Variants in COPB2 observed in about 807,000 individuals in gnomAD.
COPB2 encodes coatomer subunit beta'.
A neutral mutation model predicts 120.8 loss-of-function variants in COPB2; 16 were observed. The ratio of observed to expected loss-of-function variants is 0.13; its 90% CI spans 0.09 to 0.20. The LOEUF is 0.20. COPB2 is among the 10% of genes least tolerant of loss of function. COPB2 has a pLI of 1.00. For missense variants in COPB2, 794 were observed against 1,076.5 expected (o/e 0.74, Z 3.67); for synonymous variants, 332 against 366.3 (o/e 0.91, Z 1.07).
intron 12 of COPB2, 112 bp from the exon 13 acceptor site, chr3:139,368,400 A>G: frequency 4.5e-6 from 5 of 1,102,540 alleles, no homozygotes; most frequent in East Asian, 2.6e-5. Flanking sequence ...GATGATAAGT[A>G]TTCACTTAAC....
In COPB2 at chr3:139,380,870, C is replaced by G. The variant is rs550735448; in HGVS notation, c.142-1404G>C. The G allele has an allele frequency of 5.3e-5, 8 of 152,246 alleles. No individual in the cohort carries two copies. The East Asian group carries it at 1.5e-3, about 29-fold the overall frequency. 9.4% of individuals were successfully genotyped at this position (152,246 alleles called of 1,614,324 possible). A position where few individuals can be genotyped will look rare whatever the true frequency, so the allele number is the denominator to read the frequency against. On this transcript the variant is annotated intron_variant, in intron 2 of 21. Transcript: ENST00000333188. ...AACACGGCAGAAAAATCCACAAAAG[C>G]TCATGAGGAGCCAACAAATCCAGGG... is the stretch of plus-strand genomic sequence containing the variant.
intron 1 of COPB2, 89 bp downstream of exon 1, chr3:139,389,459 C>A: frequency 6.9e-7 from 1 of 1,444,054 alleles, no homozygotes; most frequent in Non-Finnish European, 9.3e-7. Flanking sequence ...GAGCCCAGAC[C>A]ACTGCTTACC....
chr3:139,377,609 T>C (rs1416521713), intron 5 of COPB2, among the ~76,000 whole-genome samples: 1 of 152,142 alleles, frequency 6.6e-6, no homozygotes, highest in African/African-American at 2.4e-5. Context: ...CAGGAACTGT[T>C]TCAGAAAGAT....
chr3:139,379,667 A>G (rs1381199309), intron 2 of COPB2: 2 of 528,160 alleles, frequency 3.8e-6, no homozygotes, highest in South Asian at 2.6e-5. Context: ...ACACTTTTTA[A>G]AAGATAAGAG....
intron 20 of COPB2, 65 bp from the exon 21 acceptor site, chr3:139,358,336 C>G: frequency 7.1e-7 from 1 of 1,403,284 alleles, no homozygotes; most frequent in Non-Finnish European, 1.0e-6. Context: ...AAAGTTTTCC[C>G]CCAAGAAAAG....
In COPB2 at chr3:139,366,770, A is replaced by G; in HGVS notation, c.1682T>C (p.Met561Thr). The change falls in exon 15 of 22, where the codon ATG (methionine) becomes ACG (threonine). Residue 561 changes from methionine to threonine, a missense_variant. Met to Thr is a moderately conservative substitution (Grantham distance 81). Coordinates refer to ENST00000333188, the MANE Select transcript of COPB2 (RefSeq NM_004766.3). ...IVTIAHLDRTMYLLGYIPKDN... is the reference protein window; with the variant it reads ...IVTIAHLDRTTYLLGYIPKDN... ...TTTAGGAATGTAGCCTAGGAGATACATCGTCCTATAAAAGAAACAGAAACC... is the reference window on the plus strand; with the variant it reads ...TTTAGGAATGTAGCCTAGGAGATACGTCGTCCTATAAAAGAAACAGAAACC... 6.2e-7 allele frequency: 1 copy of G among 1,612,664 alleles called. No individual in the cohort carries two copies. Among genetic ancestry groups the G allele is most frequent in the Non-Finnish European group, 8.5e-7 (1 of 1,179,208 alleles).
At chr3:139,367,251 T>C in intron 13 of COPB2, 106 bp from the exon 14 acceptor site, 2 of 1,306,106 alleles carry the variant, frequency 1.5e-6, no homozygotes, top group Admixed American at 2.6e-5. Context: ...GAATGCAAAG[T>C]AAAATCCTTC....
rs1332559586 is a variant in COPB2 at position 139,375,450 on chromosome 3, G to A, written c.651+18C>T. On this transcript the variant is annotated intron_variant, in intron 6 of 21. Transcript: ENST00000333188. ...AAACATATCTAACATATGGAAGTAA[G>A]GTTATGAAAAACTGTACCTGATAAT... The A allele has an allele frequency of 1.2e-6, 2 of 1,607,242 alleles. No individual in the cohort carries two copies. Among genetic ancestry groups the A allele is most frequent in the Admixed American group, 1.7e-5 (1 of 59,748 alleles).
chr3:139,375,480 T>C lies in COPB2; in HGVS notation c.639A>G (p.Ile213Met), dbSNP rs755649857. The part of the protein sequence containing the change: ...ISGADDRLVK[I>M]WDYQNKTCVQ... ...TGAAAAACTGTACCTGATAATCCCA[T>C]ATTTTAACAAGACGGTCATCTGCAC... The change falls in exon 6 of 22, where the codon ATA becomes ATG. Residue 213 changes from isoleucine (I) to methionine (M), a missense_variant. By Grantham distance (10) the Ile-to-Met change is conservative. Around this residue, in one of 3 missense-constraint regions of COPB2, gnomAD observed 610 missense variants for 866.7 expected, o/e 0.70. Coordinates refer to ENST00000333188, the MANE Select transcript of COPB2 (RefSeq NM_004766.3). The C allele has an allele frequency of 1.2e-6, 2 of 1,613,212 alleles. No individual in the cohort carries two copies. The highest frequency in any genetic ancestry group is 1.1e-5 in the South Asian group (1 of 90,944).
At chr3:139,383,145 T>C (rs766641329) in intron 2 of COPB2, 153 bp downstream of exon 2, 4 of 838,538 alleles carry the variant, frequency 4.8e-6, no homozygotes, top group Non-Finnish European at 7.8e-6. Flanking sequence ...CCCTCATAAA[T>C]GTTAGTTCCT....
At chr3:139,366,888 G>T in intron 14 of COPB2, 113 bp from the exon 15 acceptor site, 5 of 1,473,708 alleles carry the variant, frequency 3.4e-6, no homozygotes, top group Non-Finnish European at 4.6e-6. Context: ...CACAATTCTG[G>T]TTAACAATAG....
At chr3:139,388,717 C>T (rs1365536457) in intron 1 of COPB2, among the ~76,000 whole-genome samples, 2 of 151,074 alleles carry the variant, frequency 1.3e-5, no homozygotes, top group Non-Finnish European at 2.9e-5. Context: ...CCTCTGCCTC[C>T]CGGGTTCAAG....
At position 139,358,965 on chromosome 3, in the gene COPB2, C is replaced by A. The variant is rs188035514; in HGVS notation, c.2484+33G>T. ...TGAATGTACTTCCACCCTGTAGTTACAATAAATGAAGCTTGACATCCTGGC... is the reference window on the plus strand; with the variant it reads ...TGAATGTACTTCCACCCTGTAGTTAAAATAAATGAAGCTTGACATCCTGGC... On this transcript the variant is annotated intron_variant, in intron 19 of 21. Transcript: ENST00000333188. The A allele has an allele frequency of 3.4e-5, 55 of 1,603,844 alleles. No homozygotes were observed. In the East Asian group the frequency reaches 9.8e-4, roughly 29 times the overall value.
At position 139,366,612 on chromosome 3, in the gene COPB2, G is replaced by C. The variant is rs1354138023; in HGVS notation, c.1840C>G (p.Pro614Ala). 1 of 1,613,964 alleles carries C rather than the reference G, an allele frequency of 6.2e-7. No homozygotes were observed. Among genetic ancestry groups the C allele is most frequent in the Non-Finnish European group, 8.5e-7 (1 of 1,179,920 alleles). ...SMADKVLPTI[P>A]KEQRTRVAHF... ...GCAACTCTGGTCCTCTGTTCTTTTG[G>C]AATGGTAGGAAGGACCTTATCAGCC... The change falls in exon 15 of 22, where the codon CCA becomes GCA. Residue 614 changes from proline to alanine, a missense_variant. Physicochemically the swap from Pro to Ala is conservative, Grantham distance 27. Coordinates refer to ENST00000333188, the MANE Select transcript of COPB2 (RefSeq NM_004766.3).
rs148898596 is a variant in COPB2, at chr3:139,371,851, C to A, written c.1095-18G>T. On this transcript the variant is annotated intron_variant, in intron 9 of 21. Transcript: ENST00000333188. ...CCACAAACCTAGAAATCACAGAAGC[C>A]AGGGAGGGAAGTACAGAGGACCAAA... 132 of 1,605,656 alleles carry A rather than the reference C, an allele frequency of 8.2e-5. No homozygotes were observed. The African/African-American group carries it at 1.3e-3, about 16-fold the overall frequency.
In COPB2 at chr3:139,358,254, A is replaced by C; in HGVS notation, c.2571T>G (p.Pro857=). Residue 857 remains proline (P), a synonymous_variant, in exon 21 of 22, where the codon CCT becomes CCG. Coordinates refer to ENST00000333188, the MANE Select transcript of COPB2 (RefSeq NM_004766.3). The stretch of plus-strand genomic sequence containing the variant: ...CCACAATAACCGGAGTAGGAGAAGC[A>C]GGTTTCCCATCAAGTTCCTGAAACC... ...STAQQELDGK[P]ASPTPVIVAS... is the part of the protein sequence containing the mutation. The C allele has an allele frequency of 1.2e-6, 2 of 1,614,106 alleles. No homozygotes were observed. The highest frequency in any genetic ancestry group is 1.7e-6 in the Non-Finnish European group (2 of 1,179,936).
intron 20 of COPB2, 39 bp from the exon 21 acceptor site, chr3:139,358,310 A>G: frequency 6.5e-7 from 1 of 1,543,182 alleles, no homozygotes; most frequent in Non-Finnish European, 9.0e-7. Flanking sequence ...AGACAAGGGA[A>G]TTTACTCGGG....
intron 15 of COPB2, 46 bp from the exon 16 acceptor site, chr3:139,362,563 G>T: frequency 1.6e-6 from 2 of 1,227,920 alleles, no homozygotes; most frequent in South Asian, 1.4e-5. Context: ...ATACAAAAAT[G>T]TATGTATGTT....
intron 15 of COPB2, among the ~76,000 whole-genome samples, chr3:139,363,179 C>G (rs974130891): frequency 6.6e-6 from 1 of 152,158 alleles, no homozygotes; most frequent in African/African-American, 2.4e-5. Context: ...CTAAAATTTC[C>G]TTCCCATGCT....
Sources: allele counts gnomAD v4.1 joint callset (sites outside exome capture counted in the v4.1 genomes callset), GRCh38; gene constraint gnomAD v4.1.1; regional missense constraint gnomAD v4.1.1; transcripts MANE v1.5; gene names NCBI Gene and HGNC (gene_info 2026-07-23, HGNC 2026-07-21).